The following SLAIN1 variants were observed in gnomAD, a reference collection of about 807,000 sequenced individuals.
SLAIN1 encodes the protein SLAIN family member 1, also known as SLAIN motif-containing protein 1.
In SLAIN1, 17 loss-of-function variants were observed where a neutral mutation model predicts 55.4. That is an observed-to-expected ratio of 0.31 (90% CI 0.21 to 0.46). The LOEUF (loss-of-function observed/expected upper bound fraction) is 0.46, where lower values mean the gene tolerates loss of function less well. Ranked by LOEUF, SLAIN1 falls within the 20% of genes least tolerant of loss-of-function variation. The pLI, the probability that SLAIN1 is intolerant of heterozygous loss-of-function variation, is 1.00. For synonymous variants in SLAIN1, 348 were observed against 337.4 expected (o/e 1.03, Z -0.35); for missense variants, 682 against 785.1 (o/e 0.87, Z 1.57).
chr13:77,714,087 G>T (rs1296960), intron 1 of SLAIN1, among the ~76,000 whole-genome samples: 25,450 of 151,974 alleles, frequency 0.17, 2,522 homozygotes, highest in African/African-American at 0.29. Context: ...CAGTTGATGG[G>T]TGCAGCAAAC....
intron 2 of SLAIN1, chr13:77,741,237 TTG>T (rs1873415447): frequency 1.0e-6 from 1 of 986,770 alleles, no homozygotes; most frequent in Non-Finnish European, 1.2e-6. Context: ...CAAAGAACTA[TTG>T]GTCTTTTAAA....
At chr13:77,719,016 A>T (rs1416696266) in intron 1 of SLAIN1, among the ~76,000 whole-genome samples, 1 of 152,128 alleles carries the variant, frequency 6.6e-6, no homozygotes, top group Non-Finnish European at 1.5e-5. Context: ...TAGATTTGAG[A>T]CAGGAGAAAT....
Position 77,763,310 on chromosome 13 carries a change from A to G in SLAIN1, c.*90A>G. 1.0e-6 allele frequency: 1 copy of G among 970,208 alleles called. No homozygotes were observed. The highest frequency in any genetic ancestry group is 2.0e-5 in the Admixed American group (1 of 51,116). 60.1% of individuals were successfully genotyped at this position (970,208 alleles called of 1,614,324 possible). ...GCTGGGTAGCAGTGGATGTTGGGATATTCTTTCCCTTTTGTGTTTTAATAT... is the reference window on the plus strand; with the variant it reads ...GCTGGGTAGCAGTGGATGTTGGGATGTTCTTTCCCTTTTGTGTTTTAATAT... On this transcript the variant is annotated 3_prime_UTR_variant, in exon 7 of 7. Coordinates refer to ENST00000418532, the MANE Select transcript of SLAIN1 (RefSeq NM_001242868.2).
chr13:77,733,972 G>C (rs764170215), intron 2 of SLAIN1, among the ~76,000 whole-genome samples: 1 of 152,150 alleles, frequency 6.6e-6, no homozygotes, highest in African/African-American at 2.4e-5. Context: ...CAGAAAGCTT[G>C]TATCTCAGTC....
intron 1 of SLAIN1, among the ~76,000 whole-genome samples, chr13:77,703,545 T>C (rs1331296733): frequency 6.6e-6 from 1 of 152,044 alleles, no homozygotes; most frequent in Non-Finnish European, 1.5e-5. Flanking sequence ...CTTTTAAATG[T>C]TGAAGTGAGG....
chr13:77,749,656 T>A (rs1354511683), intron 4 of SLAIN1, among the ~76,000 whole-genome samples: 2 of 152,194 alleles, frequency 1.3e-5, no homozygotes, highest in Non-Finnish European at 2.9e-5. Context: ...AACTGCTGAT[T>A]TCTTGTGAAG....
chr13:77,738,021 T>A (rs1258339142), intron 2 of SLAIN1, among the ~76,000 whole-genome samples: 1 of 152,098 alleles, frequency 6.6e-6, no homozygotes, highest in African/African-American at 2.4e-5. Context: ...TCGGAATGAC[T>A]GTGGAGCAGG....
At chr13:77,712,682 C>G (rs1361510950) in intron 1 of SLAIN1, among the ~76,000 whole-genome samples, 1 of 152,170 alleles carries the variant, frequency 6.6e-6, no homozygotes, top group Non-Finnish European at 1.5e-5. Flanking sequence ...CTACCATTGA[C>G]TTTCTTCACA....
intron 2 of SLAIN1, among the ~76,000 whole-genome samples, chr13:77,728,094 T>C (rs2091324705): frequency 6.6e-6 from 1 of 152,196 alleles, no homozygotes; most frequent in Non-Finnish European, 1.5e-5. Context: ...ACAATCTCTT[T>C]AGTTGGTTGT....
intron 5 of SLAIN1, among the ~76,000 whole-genome samples, chr13:77,755,737 A>C (rs1874555169): frequency 6.6e-6 from 1 of 152,186 alleles, no homozygotes; most frequent in South Asian, 2.1e-4. Flanking sequence ...ATGCGTGTAA[A>C]AGCAATGAGG....
In SLAIN1 at chr13:77,698,862, T is replaced by C. The variant is rs1228130664; in HGVS notation, c.626+323T>C. 1.3e-6 allele frequency: 2 copies of C among 1,509,464 alleles called. No individual in the cohort carries two copies. Among genetic ancestry groups the C allele is most frequent in the African/African-American group, 1.4e-5 (1 of 72,498 alleles). The allele number at this position is 1,509,464 out of a possible 1,614,324, so 93.5% of individuals were successfully genotyped here. The stretch of plus-strand genomic sequence containing the variant: ...GTTAGCATTAAGTGCAAAATCCATG[T>C]CATCTTGTCTTTTTGCTCAGTGCTG... On this transcript the variant is annotated intron_variant, in intron 1 of 6. Coordinates refer to ENST00000418532, the MANE Select transcript of SLAIN1 (RefSeq NM_001242868.2). The surrounding 1 kb of genome is among the most constrained non-coding windows in gnomAD (Gnocchi z 4.1).
chr13:77,710,559 C>T (rs921457752), intron 1 of SLAIN1, among the ~76,000 whole-genome samples: 1 of 152,088 alleles, frequency 6.6e-6, no homozygotes. Flanking sequence ...AAATATATAT[C>T]CACCCAATAC....
rs905595444 is a variant in SLAIN1, at chr13:77,698,571, C to A, written c.626+32C>A. ...CCTGGCTCCGCTCCTTCCCCGAGAC[C>A]CTGGCCTCGGGGGCTTCGGGCACCG... On this transcript the variant is annotated intron_variant, in intron 1 of 6. Coordinates refer to ENST00000418532, the MANE Select transcript of SLAIN1 (RefSeq NM_001242868.2). The surrounding 1 kb of genome is among the most constrained non-coding windows in gnomAD (Gnocchi z 4.1). 4 of 1,382,306 alleles carry A rather than the reference C, an allele frequency of 2.9e-6. No individual in the cohort carries two copies. In the Admixed American group the frequency reaches 1.4e-4, roughly 47 times the overall value. 85.6% of individuals were successfully genotyped at this position (1,382,306 alleles called of 1,614,324 possible).
intron 2 of SLAIN1, among the ~76,000 whole-genome samples, chr13:77,733,778 C>T (rs777318510): frequency 6.6e-6 from 1 of 152,126 alleles, no homozygotes; most frequent in African/African-American, 2.4e-5. Flanking sequence ...AGTAGGACTT[C>T]CTAGACCCCA....
intron 2 of SLAIN1, among the ~76,000 whole-genome samples, chr13:77,734,732 A>G (rs1873032672): frequency 6.6e-6 from 1 of 152,160 alleles, no homozygotes. Flanking sequence ...TTCAGAATGT[A>G]GAATGTTGGC....
chr13:77,743,067 A>G, intron 2 of SLAIN1: 1 of 1,302,024 alleles, frequency 7.7e-7, no homozygotes, highest in South Asian at 1.2e-5. Flanking sequence ...GCTTTTCCTT[A>G]TAGTCCTGTT....
intron 5 of SLAIN1, among the ~76,000 whole-genome samples, chr13:77,760,330 C>T (rs1874914750): frequency 1.3e-5 from 2 of 151,932 alleles, no homozygotes; most frequent in African/African-American, 4.8e-5. Context: ...GTAATAATGC[C>T]CAGCAACTCA....
In SLAIN1 at chr13:77,701,394, A is replaced by T. The variant is rs1012890288; in HGVS notation, c.626+2855A>T. On this transcript the variant is annotated intron_variant, in intron 1 of 6. Coordinates refer to ENST00000418532, the MANE Select transcript of SLAIN1 (RefSeq NM_001242868.2). ...TTGGACAATATTTGGGTTAAGAGTT[A>T]TGTGTGTAAGGAAAATCATGACTAA... is the stretch of plus-strand genomic sequence containing the variant. Among the ~76,000 whole-genome samples the T allele has an allele frequency of 2.0e-5, 3 of 152,280 alleles. No homozygotes were observed. The South Asian group carries it at 6.2e-4, about 32-fold the overall frequency.
chr13:77,697,971 G>C lies in SLAIN1; in HGVS notation c.58G>C (p.Gly20Arg). 1 of 1,450,072 alleles carries C rather than the reference G, an allele frequency of 6.9e-7. No homozygotes were observed. The allele number at this position is 1,450,072 out of a possible 1,614,324, so 89.8% of individuals were successfully genotyped here. The change falls in exon 1 of 7, where the codon GGG (glycine) becomes CGG (arginine). Residue 20 changes from glycine to arginine, a missense_variant. Physicochemically the swap from Gly to Arg is moderately radical, Grantham distance 125. Coordinates refer to ENST00000418532, the MANE Select transcript of SLAIN1 (RefSeq NM_001242868.2). ...AGGGGTCAGCTCTGGAGCGGGCTCC[G>C]GGCCGGTGGTGAACGCGGAGCTGGA... Reference protein sequence around the residue: ...SAGVSSGAGSGPVVNAELEVK... With the variant: ...SAGVSSGAGSRPVVNAELEVK...
Sources: allele counts gnomAD v4.1 joint callset (sites outside exome capture counted in the v4.1 genomes callset), GRCh38; gene constraint gnomAD v4.1.1; non-coding constraint Gnocchi (gnomAD v3.1); transcripts MANE v1.5; gene names NCBI Gene and HGNC (gene_info 2026-07-23, HGNC 2026-07-21).